GOLPH3L: variants seen among roughly 807,000 people sequenced by gnomAD.
GOLPH3L encodes golgi phosphoprotein 3 like.
GOLPH3L carries 22 observed loss-of-function variants against 30.3 expected under a neutral mutation model. The ratio of observed to expected loss-of-function variants is 0.73; its 90% CI spans 0.52 to 1.04. The LOEUF is 1.04. Ranked by LOEUF, GOLPH3L falls within the 50% of genes least tolerant of loss-of-function variation. The pLI, the probability that GOLPH3L is intolerant of heterozygous loss-of-function variation, is 0.00. For synonymous variants in GOLPH3L, 120 were observed against 128.2 expected (o/e 0.94, Z 0.43); for missense variants, 303 against 345.8 (o/e 0.88, Z 0.98).
chr1:150,672,613 T>C (rs1650672330), intron 2 of GOLPH3L, among the ~76,000 whole-genome samples: 1 of 152,168 alleles, frequency 6.6e-6, no homozygotes. Context: ...GTATTTTTAG[T>C]AGAGACGGGA....
At chr1:150,662,077 TATA>T (rs1411743775) in intron 3 of GOLPH3L, 149 bp from the exon 4 acceptor site, 2 of 596,644 alleles carry the variant, frequency 3.4e-6, no homozygotes, top group Non-Finnish European at 6.0e-6. Flanking sequence ...AAGTTTAAAA[TATA>T]GTATGGAGTG....
intron 2 of GOLPH3L, among the ~76,000 whole-genome samples, chr1:150,678,511 A>G (rs1051958756): frequency 6.6e-6 from 1 of 151,912 alleles, no homozygotes; most frequent in African/African-American, 2.4e-5. Context: ...GTGTAGACTC[A>G]TAATATGTAT....
chr1:150,694,141 G>A (rs943103184), intron 2 of GOLPH3L: 2 of 448,826 alleles, frequency 4.5e-6, no homozygotes, highest in Admixed American at 4.9e-5. Flanking sequence ...TTACAGGCGT[G>A]AGCCACCGCG....
At chr1:150,653,154 A>G (rs1650162040) in intron 4 of GOLPH3L, among the ~76,000 whole-genome samples, 1 of 150,708 alleles carries the variant, frequency 6.6e-6, no homozygotes, top group Non-Finnish European at 1.5e-5. Context: ...ACAACAACAA[A>G]AAACCCAAAA....
At chr1:150,664,489 T>G (rs1650449698) in intron 2 of GOLPH3L, among the ~76,000 whole-genome samples, 1 of 152,134 alleles carries the variant, frequency 6.6e-6, no homozygotes, top group South Asian at 2.1e-4. Context: ...AGGCTTGCTC[T>G]GTCGCCCAGG....
chr1:150,651,143 G>A (rs1378246807), intron 4 of GOLPH3L, among the ~76,000 whole-genome samples: 4 of 151,776 alleles, frequency 2.6e-5, no homozygotes, highest in East Asian at 1.9e-4. Context: ...ATGGCGAAAC[G>A]CCATCTCTAC....
intron 4 of GOLPH3L, among the ~76,000 whole-genome samples, chr1:150,653,917 C>A (rs1222054730): frequency 6.6e-6 from 1 of 151,872 alleles, no homozygotes; most frequent in Non-Finnish European, 1.5e-5. Flanking sequence ...TGCCCACCAC[C>A]ACGCCCAGCT....
intron 2 of GOLPH3L, among the ~76,000 whole-genome samples, chr1:150,684,899 C>G (rs972772273): frequency 6.6e-6 from 1 of 152,120 alleles, no homozygotes; most frequent in Non-Finnish European, 1.5e-5. Flanking sequence ...AATTCCTGAC[C>G]TCAGGTGATC....
At chr1:150,691,916 TTGA>T (rs1651224390) in intron 2 of GOLPH3L, among the ~76,000 whole-genome samples, 2 of 152,252 alleles carry the variant, frequency 1.3e-5, no homozygotes, top group South Asian at 4.1e-4. Flanking sequence ...TTTTTTTTTT[TTGA>T]TGATTCATTT....
At chr1:150,650,634 A>C (rs944995271) in intron 4 of GOLPH3L, among the ~76,000 whole-genome samples, 5 of 152,162 alleles carry the variant, frequency 3.3e-5, no homozygotes, top group Non-Finnish European at 7.3e-5. Context: ...TCTAGGTTGC[A>C]TGTTCCTTGT....
intron 2 of GOLPH3L, among the ~76,000 whole-genome samples, chr1:150,676,924 C>T (rs921470283): frequency 4.0e-5 from 6 of 151,792 alleles, no homozygotes; most frequent in Admixed American, 1.3e-4. Context: ...GGATTACAGG[C>T]GTGAGCCACC....
At chr1:150,659,574 G>A (rs759766783) in intron 4 of GOLPH3L, among the ~76,000 whole-genome samples, 38 of 152,028 alleles carry the variant, frequency 2.5e-4, no homozygotes, top group Non-Finnish European at 4.7e-4. Context: ...TAAATATGTG[G>A]GTAAATCTCT....
rs1031322616 is a variant in GOLPH3L at position 150,665,415 on chromosome 1, C to T, written c.184-1652G>A. Among the ~76,000 whole-genome samples, 6 of 151,932 alleles carry T rather than the reference C, an allele frequency of 3.9e-5. No individual in the cohort carries two copies. The South Asian group carries it at 1.2e-3, about 31-fold the overall frequency. On this transcript the variant is annotated intron_variant, in intron 2 of 4. Transcript: ENST00000271732. ...CATCATAGCTCACTGTAGACTTGAACTCCAGGGCTCAAACAATTGTCCTGC... is the reference window on the plus strand; with the variant it reads ...CATCATAGCTCACTGTAGACTTGAATTCCAGGGCTCAAACAATTGTCCTGC...
chr1:150,673,939 A>G (rs1650703582), intron 2 of GOLPH3L, among the ~76,000 whole-genome samples: 2 of 151,674 alleles, frequency 1.3e-5, no homozygotes, highest in South Asian at 2.1e-4. Flanking sequence ...AAAAAAAAAA[A>G]AAAGAAAAAA....
intron 4 of GOLPH3L, among the ~76,000 whole-genome samples, chr1:150,652,798 GA>G (rs1270785583): frequency 1.3e-5 from 2 of 151,942 alleles, no homozygotes; most frequent in African/African-American, 4.8e-5. Flanking sequence ...AAGAGGGTGG[GA>G]AAAAAGTTGT....
rs1296488976 is a variant in GOLPH3L, at chr1:150,661,977, A to G, written c.316-49T>C. The G allele has an allele frequency of 1.4e-5, 12 of 844,724 alleles. No homozygotes were observed. The Admixed American group carries it at 1.7e-4, about 12-fold the overall frequency. The allele number at this position is 844,724 out of a possible 1,614,324, so 52.3% of individuals were successfully genotyped here. Reference sequence around the variant, plus strand: ...AACCCTGATTCCTTCACTTCATTCAAGTTAAAATCTTTCAATATATCATGT... The same window carrying G: ...AACCCTGATTCCTTCACTTCATTCAGGTTAAAATCTTTCAATATATCATGT... On this transcript the variant is annotated intron_variant, in intron 3 of 4. Transcript: ENST00000271732.
chr1:150,694,150 C>T (rs587776205), intron 2 of GOLPH3L: 23 of 448,920 alleles, frequency 5.1e-5, no homozygotes, highest in South Asian at 3.1e-4. Flanking sequence ...TGAGCCACCG[C>T]GTAATCCAAC....
intron 2 of GOLPH3L, among the ~76,000 whole-genome samples, chr1:150,674,212 A>G (rs1398129168): frequency 6.6e-6 from 1 of 151,958 alleles, no homozygotes; most frequent in Non-Finnish European, 1.5e-5. Flanking sequence ...TGTTAATAAG[A>G]GCAAAATAAA....
At chr1:150,671,031 G>C (rs1175861425) in intron 2 of GOLPH3L, among the ~76,000 whole-genome samples, 2 of 151,342 alleles carry the variant, frequency 1.3e-5, no homozygotes, top group African/African-American at 4.9e-5. Flanking sequence ...CCTGAGGTCA[G>C]GAGTTTGAGA....
Sources: gnomAD v4.1 joint callset for allele counts (sites outside exome capture counted in the v4.1 genomes callset) on GRCh38, gnomAD v4.1.1 for gene constraint, MANE v1.5 for transcripts, NCBI Gene and HGNC (gene_info 2026-07-23, HGNC 2026-07-21) for gene names.